ADAMTSL1: variants seen among roughly 807,000 people sequenced by gnomAD.
ADAMTSL1 encodes ADAMTS like 1, also known as ADAMTS-like protein 1.
In ADAMTSL1, 126 loss-of-function variants were observed where a neutral mutation model predicts 201.8. The observed-to-expected ratio is 0.62, with a 90% CI of 0.54 to 0.72. ADAMTSL1 has a LOEUF of 0.72. ADAMTSL1 is among the 30% of genes least tolerant of loss of function. The pLI is 0.00. For synonymous variants in ADAMTSL1, 1,121 were observed against 903.4 expected, an observed-to-expected ratio of 1.24 and a Z score of -4.32; for missense variants, 2,679 against 2,277.8, an observed-to-expected ratio of 1.18 and a Z score of -3.59.
intron 4 of ADAMTSL1, among the ~76,000 whole-genome samples, chr9:18,582,541 T>C (rs961607747): frequency 6.6e-6 from 1 of 152,094 alleles, no homozygotes; most frequent in African/African-American, 2.4e-5. Flanking sequence ...TCATGAGATC[T>C]GATGGTTTTG....
intron 28 of ADAMTSL1, 121 bp from the exon 29 acceptor site, chr9:18,908,321 G>A: frequency 1.2e-6 from 1 of 822,188 alleles, no homozygotes; most frequent in Non-Finnish European, 2.0e-6. Context: ...GGCCAAGGCA[G>A]ACCCCAGGAT....
chr9:18,364,723 T>C (rs1254187919), intron 2 of ADAMTSL1, among the ~76,000 whole-genome samples: 1 of 152,162 alleles, frequency 6.6e-6, no homozygotes, highest in Admixed American at 6.5e-5. Flanking sequence ...TTCTGCAGGC[T>C]GTACAAGAAG....
At chr9:18,534,263 C>T (rs959493060) in intron 3 of ADAMTSL1, among the ~76,000 whole-genome samples, 1 of 151,952 alleles carries the variant, frequency 6.6e-6, no homozygotes, top group Non-Finnish European at 1.5e-5. Context: ...AGGCTTAAGC[C>T]TTCATTAGTA....
chr9:18,841,948 C>G (rs368704892), intron 23 of ADAMTSL1, among the ~76,000 whole-genome samples: 5,820 of 151,972 alleles, frequency 0.038, 153 homozygotes, highest in South Asian at 0.092. Flanking sequence ...ATTAGTCTTG[C>G]TAGCGGTCTA....
At chr9:18,611,569 G>A (rs956829059) in intron 4 of ADAMTSL1, among the ~76,000 whole-genome samples, 1 of 152,110 alleles carries the variant, frequency 6.6e-6, no homozygotes, top group Admixed American at 6.5e-5. Flanking sequence ...TAAATAAGAC[G>A]AGAACACAAT....
intron 1 of ADAMTSL1, among the ~76,000 whole-genome samples, chr9:17,992,645 G>T (rs1037559943): frequency 6.6e-6 from 1 of 152,084 alleles, no homozygotes; most frequent in African/African-American, 2.4e-5. Context: ...TAAAAGATTA[G>T]CCCTGTGTGG....
At chr9:18,345,041 C>T (rs970483920) in intron 2 of ADAMTSL1, among the ~76,000 whole-genome samples, 1 of 152,120 alleles carries the variant, frequency 6.6e-6, no homozygotes, top group Non-Finnish European at 1.5e-5. Flanking sequence ...CTCTGACCTC[C>T]TTCTCCTGTC....
chr9:18,595,630 G>A (rs1381076822), intron 4 of ADAMTSL1, among the ~76,000 whole-genome samples: 1 of 152,226 alleles, frequency 6.6e-6, no homozygotes, highest in Non-Finnish European at 1.5e-5. Flanking sequence ...TCTAAGCTGG[G>A]ATCTTAGCTG....
chr9:18,674,035 C>T (rs967439575), intron 9 of ADAMTSL1, among the ~76,000 whole-genome samples: 1 of 150,760 alleles, frequency 6.6e-6, no homozygotes. Flanking sequence ...TTCTTATCAT[C>T]TGTCAGAAGG....
rs1168419754 is a variant in ADAMTSL1, at chr9:18,777,130, C to G, written c.2901C>G (p.Leu967=). The change falls in exon 19 of 29, where the codon CTC becomes CTG. Residue 967 remains leucine (L), a synonymous_variant. Transcript: ENST00000380548. ...AGCTCATCGGAGGCAACCGCAAGCT[C>G]GTGGCCCGGCCCTTGAGCCCGAGAA... The part of the protein sequence containing the change: ...VIKLIGGNRK[L]VARPLSPRSE... 3 of 1,612,880 alleles carry G rather than the reference C, an allele frequency of 1.9e-6. No individual in the cohort carries two copies. Among genetic ancestry groups the G allele is most frequent in the Non-Finnish European group, 2.5e-6 (3 of 1,179,826 alleles).
At chr9:18,445,650 A>G (rs1287095038) in intron 2 of ADAMTSL1, among the ~76,000 whole-genome samples, 1 of 152,184 alleles carries the variant, frequency 6.6e-6, no homozygotes, top group Non-Finnish European at 1.5e-5. Context: ...ACCAAGACTC[A>G]TATACAAAAT....
intron 5 of ADAMTSL1, among the ~76,000 whole-genome samples, chr9:18,634,326 G>T (rs190730614): frequency 9.7e-4 from 148 of 152,274 alleles, no homozygotes; most frequent in Admixed American, 1.9e-3. Context: ...CACTTTGGGA[G>T]GCCGAGGCAG....
chr9:18,043,337 A>C (rs913259219), intron 1 of ADAMTSL1, among the ~76,000 whole-genome samples: 1 of 152,254 alleles, frequency 6.6e-6, no homozygotes, highest in South Asian at 2.1e-4. Context: ...AATGCCCAAG[A>C]AAGTAGTGGA....
At chr9:18,477,374 T>A (rs896528792) in intron 1 of ADAMTSL1, among the ~76,000 whole-genome samples, 1 of 152,186 alleles carries the variant, frequency 6.6e-6, no homozygotes, top group African/African-American at 2.4e-5. Context: ...CCTGTTGAAT[T>A]TCTTTTTCTT....
At chr9:18,558,375 TA>T (rs1417084520) in intron 3 of ADAMTSL1, among the ~76,000 whole-genome samples, 1 of 152,224 alleles carries the variant, frequency 6.6e-6, no homozygotes, top group Admixed American at 6.5e-5. Flanking sequence ...TTACATGTTA[TA>T]TATGTGTCAC....
In ADAMTSL1 at chr9:17,988,742, CTT is replaced by C. The variant is rs921757653; in HGVS notation, c.87+81823_87+81824del. 1.1e-3 allele frequency among the ~76,000 whole-genome samples: 174 copies of C among 151,978 alleles called. 1 individual carries two copies. Among genetic ancestry groups the C allele is most frequent in the African/African-American group, 3.9e-3 (164 of 41,524 alleles). On this transcript the variant is annotated intron_variant, in intron 1 of 29. Transcript: ENST00000680146. ...TACTGCTTTCAATTATCAGTGAACT[CTT>C]TTCCTTTTTCAGAGGAAGACAATAT...
At chr9:18,026,559 T>C (rs540594986) in intron 1 of ADAMTSL1, among the ~76,000 whole-genome samples, 1 of 152,064 alleles carries the variant, frequency 6.6e-6, no homozygotes, top group African/African-American at 2.4e-5. Context: ...AATAAAGCTA[T>C]TTAATAGTGG....
intron 16 of ADAMTSL1, among the ~76,000 whole-genome samples, chr9:18,755,072 C>A (rs2133621462): frequency 6.6e-6 from 1 of 152,320 alleles, no homozygotes; most frequent in South Asian, 2.1e-4. Flanking sequence ...CTATACCAAA[C>A]CTATTGTGTA....
At chr9:18,319,812 T>C (rs964840317) in intron 2 of ADAMTSL1, among the ~76,000 whole-genome samples, 1 of 152,198 alleles carries the variant, frequency 6.6e-6, no homozygotes, top group African/African-American at 2.4e-5. Context: ...AATCTGTGAA[T>C]ATGTTACCTT....
Sources: gnomAD v4.1 joint callset for allele counts (sites outside exome capture counted in the v4.1 genomes callset) on GRCh38, gnomAD v4.1.1 for gene constraint, MANE v1.5 for transcripts, NCBI Gene and HGNC (gene_info 2026-07-23, HGNC 2026-07-21) for gene names.